The following CCDC7 variants were observed in gnomAD, a reference collection of about 807,000 sequenced individuals.
The protein encoded by CCDC7 is coiled-coil domain-containing protein 7.
In CCDC7, 183 loss-of-function variants were observed where a neutral mutation model predicts 196.9. The ratio of observed to expected loss-of-function variants is 0.93; its 90% CI spans 0.82 to 1.05. The LOEUF (loss-of-function observed/expected upper bound fraction) is 1.05. Ranked by LOEUF, CCDC7 falls within the 50% of genes least tolerant of loss-of-function variation. The probability of loss-of-function intolerance (pLI) is 0.00; values close to 1 mark genes in which losing one functional copy is unlikely to be tolerated. For synonymous variants in CCDC7, 525 were observed against 484.6 expected, an observed-to-expected ratio of 1.08 and a Z score of -1.10; for missense variants, 1,540 against 1,482.2, an observed-to-expected ratio of 1.04 and a Z score of -0.64.
At chr10:32,665,084 A>G (rs1295906874) in intron 21 of CCDC7, among the ~76,000 whole-genome samples, 2 of 151,992 alleles carry the variant, frequency 1.3e-5, no homozygotes, top group South Asian at 2.1e-4. Context: ...ACTTGTTCAT[A>G]TACCTGTTGG....
intron 40 of CCDC7, among the ~76,000 whole-genome samples, chr10:32,852,783 AC>A (rs1205408964): frequency 6.6e-6 from 1 of 152,208 alleles, no homozygotes; most frequent in African/African-American, 2.4e-5. Flanking sequence ...GAAAAAGAAA[AC>A]AGTAAAAAGA....
intron 24 of CCDC7, among the ~76,000 whole-genome samples, chr10:32,709,189 GA>G (rs1455534477): frequency 6.6e-6 from 1 of 151,926 alleles, no homozygotes; most frequent in African/African-American, 2.4e-5. Context: ...GATGAAGCTG[GA>G]AACCATCATT....
chr10:32,713,875 A>G (rs2081206983), intron 25 of CCDC7, among the ~76,000 whole-genome samples: 1 of 152,246 alleles, frequency 6.6e-6, no homozygotes, highest in Admixed American at 6.5e-5. Flanking sequence ...TATCTGGACT[A>G]TATCTGATTG....
At chr10:32,820,576 C>A (rs112168070) in intron 31 of CCDC7, among the ~76,000 whole-genome samples, 13,425 of 152,106 alleles carry the variant, frequency 0.088, 860 homozygotes, top group East Asian at 0.33. Flanking sequence ...TACTACAAGG[C>A]TACAGTAACC....
intron 29 of CCDC7, among the ~76,000 whole-genome samples, chr10:32,798,594 A>G (rs934793724): frequency 6.6e-6 from 1 of 152,162 alleles, no homozygotes; most frequent in Non-Finnish European, 1.5e-5. Context: ...CTCTTCCCCA[A>G]ATGTCTTTGT....
intron 9 of CCDC7, among the ~76,000 whole-genome samples, chr10:32,505,641 C>G (rs189592587): frequency 0.038 from 5,818 of 151,972 alleles, 121 homozygotes; most frequent in Non-Finnish European, 0.05. Context: ...TCCCCCTTTT[C>G]TTTTCGACAA....
At chr10:32,800,935 C>G (rs1296111687) in intron 29 of CCDC7, among the ~76,000 whole-genome samples, 1 of 152,194 alleles carries the variant, frequency 6.6e-6, no homozygotes, top group East Asian at 1.9e-4. Context: ...ATTAATTAGC[C>G]AATGCCAGAG....
intron 30 of CCDC7, among the ~76,000 whole-genome samples, chr10:32,809,356 T>A (rs1042477331): frequency 6.6e-6 from 1 of 151,762 alleles, no homozygotes; most frequent in African/African-American, 2.4e-5. Flanking sequence ...TTGAGAGGAA[T>A]GAAAAATTTA....
chr10:32,735,539 G>C (rs2084721491), intron 28 of CCDC7, among the ~76,000 whole-genome samples: 1 of 152,058 alleles, frequency 6.6e-6, no homozygotes, highest in Non-Finnish European at 1.5e-5. Context: ...CTTCAGCTCT[G>C]TTGCCCATGT....
intron 20 of CCDC7, among the ~76,000 whole-genome samples, chr10:32,648,946 G>C (rs929637091): frequency 5.9e-5 from 9 of 152,110 alleles, no homozygotes; most frequent in Non-Finnish European, 1.3e-4. Flanking sequence ...AGAAAATGTG[G>C]TACATATATT....
chr10:32,753,553 G>A (rs563752230), intron 28 of CCDC7, among the ~76,000 whole-genome samples: 6 of 152,130 alleles, frequency 3.9e-5, no homozygotes, highest in East Asian at 1.9e-4. Flanking sequence ...TTTCAAACCC[G>A]GATAATCTAG....
At position 32,594,991 on chromosome 10, in the gene CCDC7, G is replaced by A. The variant is rs144283593; in HGVS notation, c.1801+10687G>A. Among the ~76,000 whole-genome samples, 1,339 of 152,300 alleles carry A rather than the reference G, an allele frequency of 8.8e-3. 15 individuals are homozygous for A. The highest frequency in any genetic ancestry group is 0.029 in the African/African-American group (1,219 of 41,548). ...TATTTTTGCATCAACGTTCATCAGG[G>A]ATATTGGTCTAAAATTCTCTTTTTT... On this transcript the variant is annotated intron_variant, in intron 18 of 41. Transcript: ENST00000639629.
intron 21 of CCDC7, among the ~76,000 whole-genome samples, chr10:32,665,636 A>T: frequency 6.6e-6 from 1 of 152,016 alleles, no homozygotes. Flanking sequence ...AATATGTTTT[A>T]AAATTAGGAT....
intron 28 of CCDC7, among the ~76,000 whole-genome samples, chr10:32,771,094 T>A (rs542648723): frequency 1.3e-5 from 2 of 152,226 alleles, no homozygotes; most frequent in Non-Finnish European, 2.9e-5. Context: ...AATATTAAGA[T>A]GTGAGGTACT....
At chr10:32,871,523 C>T (rs1156710341) in intron 41 of CCDC7, among the ~76,000 whole-genome samples, 1 of 150,038 alleles carries the variant, frequency 6.7e-6, no homozygotes. Flanking sequence ...AGCGGTCTGT[C>T]AATTTTGTTG....
exon 19 of CCDC7, chr10:32,634,344 C>A: frequency 8.6e-7 from 1 of 1,162,754 alleles, no homozygotes; most frequent in Non-Finnish European, 1.1e-6. Context: ...CAAAGAACTT[C>A]TAGTATGGAA....
At chr10:32,731,822 G>C (rs1298777537) in intron 28 of CCDC7, among the ~76,000 whole-genome samples, 1 of 152,204 alleles carries the variant, frequency 6.6e-6, no homozygotes, top group East Asian at 1.9e-4. Context: ...GGGAAGCCAA[G>C]GCGGGCTGAT....
chr10:32,759,338 C>T (rs949486394), intron 28 of CCDC7, among the ~76,000 whole-genome samples: 1 of 151,956 alleles, frequency 6.6e-6, no homozygotes, highest in Admixed American at 6.6e-5. Flanking sequence ...ACCTGACTTC[C>T]AACTATACTA....
At chr10:32,489,845 A>C (rs1052415661) in intron 8 of CCDC7, among the ~76,000 whole-genome samples, 2 of 151,978 alleles carry the variant, frequency 1.3e-5, no homozygotes, top group African/African-American at 4.8e-5. Context: ...GCCTGGGTAC[A>C]TATGGAAAGA....
Sources: gnomAD v4.1 joint callset for allele counts (sites outside exome capture counted in the v4.1 genomes callset) on GRCh38, gnomAD v4.1.1 for gene constraint, MANE v1.5 for transcripts, NCBI Gene and HGNC (gene_info 2026-07-23, HGNC 2026-07-21) for gene names.